IDO2: variants seen among roughly 807,000 people sequenced by gnomAD.
IDO2 encodes indoleamine 2,3-dioxygenase 2, also known as indoleamine 2,3-dioxygenase-like 1 protein.
In IDO2, 46 loss-of-function variants were observed where a neutral mutation model predicts 45.1. The ratio of observed to expected loss-of-function variants is 1.02; its 90% CI spans 0.80 to 1.30. IDO2 has a LOEUF of 1.30. IDO2 is among the 50% of genes most tolerant of loss of function. The pLI is 0.00. For synonymous variants in IDO2, 218 were observed against 184.9 expected (o/e 1.18, Z -1.45); for missense variants, 544 against 491.8 (o/e 1.11, Z -1.00).
At chr8:39,999,436 G>T (rs1039322501) in intron 8 of IDO2, among the ~76,000 whole-genome samples, 9 of 151,840 alleles carry the variant, frequency 5.9e-5, no homozygotes, top group South Asian at 2.1e-4. Context: ...CTGCCAACAC[G>T]CCAGGCTAAT....
chr8:39,963,549 C>A, intron 2 of IDO2, 59 bp from the exon 3 acceptor site: 1 of 965,490 alleles, frequency 1.0e-6, no homozygotes, highest in Admixed American at 2.5e-5. Context: ...AATAGCTACT[C>A]TCGGAAGCCC....
rs777487045 is a variant in IDO2 at position 39,948,482 on chromosome 8, TTC to T, written c.-17-663_-17-662del. 5.1e-4 allele frequency among the ~76,000 whole-genome samples: 78 copies of T among 152,316 alleles called. No individual in the cohort carries two copies. The Middle Eastern group carries it at 0.014, about 27-fold the overall frequency. On this transcript the variant is annotated intron_variant, in intron 1 of 10. Transcript: ENST00000502986. ...GCCCCTTCAACAGAATACCTGGAAT[TTC>T]TCTGTTAAAGATTTTCTCCTTTACC...
chr8:39,973,094 T>G (rs1808204296), intron 3 of IDO2, among the ~76,000 whole-genome samples: 1 of 152,014 alleles, frequency 6.6e-6, no homozygotes, highest in Non-Finnish European at 1.5e-5. Context: ...GGTTGAACAA[T>G]AAGTAAATAG....
chr8:39,951,015 C>T (rs539854344), intron 2 of IDO2, among the ~76,000 whole-genome samples: 16 of 95,324 alleles, frequency 1.7e-4, no homozygotes, highest in Admixed American at 4.6e-4. Context: ...GCAACAAGAG[C>T]GAAACTCGTC....
chr8:39,979,002 C>T, intron 3 of IDO2, 65 bp from the exon 4 acceptor site: 2 of 1,512,606 alleles, frequency 1.3e-6, no homozygotes, highest in Non-Finnish European at 1.8e-6. Flanking sequence ...GGTCCCCGGC[C>T]CCCGTTACCT....
chr8:39,952,259 G>C (rs1485430034), intron 2 of IDO2, among the ~76,000 whole-genome samples: 1 of 152,160 alleles, frequency 6.6e-6, no homozygotes, highest in African/African-American at 2.4e-5. Flanking sequence ...TGCTCAAGGG[G>C]ACACCAGATC....
chr8:40,013,702 G>T (rs751370892), exon 10 of IDO2: 3 of 1,606,282 alleles, frequency 1.9e-6, no homozygotes, highest in South Asian at 2.2e-5. Context: ...ATTCGTCATA[G>T]CAAGGAAAGT....
At chr8:39,967,453 G>A (rs561962157) in intron 3 of IDO2, among the ~76,000 whole-genome samples, 3 of 152,168 alleles carry the variant, frequency 2.0e-5, no homozygotes, top group East Asian at 1.9e-4. Flanking sequence ...AAATACATAC[G>A]ACTGTTTACC....
chr8:40,011,445 T>C lies in IDO2; in HGVS notation c.720-2120T>C, dbSNP rs78686257. On this transcript the variant is annotated intron_variant, in intron 9 of 10. Coordinates refer to ENST00000502986, the Ensembl canonical transcript of IDO2. ...CAACAGCAGTTATGTCTTTCATGTT[T>C]CTTCCCCATAAAATGTTGTTCATCA... is the stretch of plus-strand genomic sequence containing the variant. Among the ~76,000 whole-genome samples, 196 of 152,334 alleles carry C rather than the reference T, an allele frequency of 1.3e-3. 1 individual carries two copies. The highest frequency in any genetic ancestry group is 4.5e-3 in the African/African-American group (187 of 41,576).
exon 1 of IDO2, chr8:39,934,820 A>G: frequency 2.9e-6 from 1 of 345,890 alleles, no homozygotes; most frequent in Non-Finnish European, 5.4e-6. Context: ...ATGAATGCAA[A>G]GGCTGGTGCC....
chr8:40,014,267 T>C (rs148080767), intron 10 of IDO2, among the ~76,000 whole-genome samples: 2 of 152,324 alleles, frequency 1.3e-5, no homozygotes, highest in East Asian at 3.9e-4. Flanking sequence ...AGAAAAAGAA[T>C]CACCAGAACT....
chr8:40,009,116 G>T (rs566379846), intron 9 of IDO2, among the ~76,000 whole-genome samples: 1 of 152,282 alleles, frequency 6.6e-6, no homozygotes, highest in African/African-American at 2.4e-5. Flanking sequence ...CCAGGTTCAA[G>T]CTTTCCTCCT....
intron 3 of IDO2, among the ~76,000 whole-genome samples, chr8:39,977,849 G>A (rs923896021): frequency 6.6e-6 from 1 of 152,048 alleles, no homozygotes; most frequent in Non-Finnish European, 1.5e-5. Flanking sequence ...CATTTATGGG[G>A]TACATGAGAT....
chr8:39,993,832 C>T (rs1801986108), intron 8 of IDO2, among the ~76,000 whole-genome samples: 1 of 151,942 alleles, frequency 6.6e-6, no homozygotes, highest in Non-Finnish European at 1.5e-5. Flanking sequence ...CGTGGTGAAA[C>T]CCCATCTCTA....
intron 2 of IDO2, among the ~76,000 whole-genome samples, chr8:39,954,580 G>A (rs1415445356): frequency 6.6e-6 from 1 of 151,242 alleles, no homozygotes; most frequent in East Asian, 1.9e-4. Context: ...GCTTGTAGAT[G>A]GCCTCCTTAT....
At chr8:39,941,123 G>A (rs1306595168) in intron 1 of IDO2, among the ~76,000 whole-genome samples, 1 of 149,252 alleles carries the variant, frequency 6.7e-6, no homozygotes, top group African/African-American at 2.5e-5. Context: ...TCAGGAGGCT[G>A]AGGCAGGAGA....
chr8:40,015,983 A>G (rs1802382722), exon 11 of IDO2: 2 of 378,818 alleles, frequency 5.3e-6, no homozygotes, highest in Non-Finnish European at 9.4e-6. Context: ...AAATTCACTT[A>G]ACAATTCATT....
At chr8:39,979,331 G>T (rs193101643) in intron 4 of IDO2, 145 bp downstream of exon 4, 2 of 557,324 alleles carry the variant, frequency 3.6e-6, no homozygotes, top group Non-Finnish European at 5.5e-6. Flanking sequence ...CAACGATGAA[G>T]GGCTCATTTA....
chr8:39,989,699 T>C, intron 7 of IDO2, 22 bp from the exon 8 acceptor site: 10 of 1,494,390 alleles, frequency 6.7e-6, no homozygotes, highest in Non-Finnish European at 8.2e-6. Flanking sequence ...TAATAAGTTG[T>C]GTACATGCAT....
Sources: allele counts gnomAD v4.1 joint callset (sites outside exome capture counted in the v4.1 genomes callset), GRCh38; gene constraint gnomAD v4.1.1; transcripts MANE v1.5; gene names NCBI Gene and HGNC (gene_info 2026-07-23, HGNC 2026-07-21).